OTUD7B: variants seen among roughly 807,000 people sequenced by gnomAD.
OTUD7B encodes OTU deubiquitinase 7B, also known as OTU domain-containing protein 7B.
In OTUD7B, 34 loss-of-function variants were observed where a neutral mutation model predicts 82.2. The ratio of observed to expected loss-of-function variants is 0.41; its 90% confidence interval spans 0.31 to 0.55. The LOEUF (loss-of-function observed/expected upper bound fraction) is 0.55. Ranked by LOEUF, OTUD7B falls within the 20% of genes least tolerant of loss-of-function variation. The pLI, the probability that OTUD7B is intolerant of heterozygous loss-of-function variation, is 0.20. For synonymous variants in OTUD7B, 398 were observed against 402.7 expected (o/e 0.99, Z 0.14); for missense variants, 944 against 1,062.1 (o/e 0.89, Z 1.55).
chr1:150,008,416 A>T (rs1652805865), intron 1 of OTUD7B, among the ~76,000 whole-genome samples: 1 of 152,210 alleles, frequency 6.6e-6, no homozygotes, highest in Non-Finnish European at 1.5e-5. Flanking sequence ...CAAAAGAAAG[A>T]TTAAACAAAT....
intron 11 of OTUD7B, among the ~76,000 whole-genome samples, chr1:149,945,289 G>T (rs1553771860): frequency 6.6e-6 from 1 of 152,068 alleles, no homozygotes; most frequent in East Asian, 1.9e-4. Flanking sequence ...ATGAGGGAAG[G>T]GTCACCCAGG....
chr1:150,016,228 A>G, the OTUD7B span, among the ~76,000 whole-genome samples: 1 of 152,156 alleles, frequency 6.6e-6, no homozygotes, highest in Non-Finnish European at 1.5e-5. Context: ...GTAAAATGTC[A>G]TCAACAATAC....
the OTUD7B span, among the ~76,000 whole-genome samples, chr1:150,063,948 A>T: frequency 6.6e-6 from 1 of 152,216 alleles, no homozygotes; most frequent in Non-Finnish European, 1.5e-5. Flanking sequence ...GAGCAGGTCA[A>T]ATCTTCCCAT....
chr1:150,049,052 G>A, the OTUD7B span, among the ~76,000 whole-genome samples: 1 of 152,018 alleles, frequency 6.6e-6, no homozygotes, highest in African/African-American at 2.4e-5. Context: ...TGGCCAGGCT[G>A]GTCTCGAACT....
intron 1 of OTUD7B, among the ~76,000 whole-genome samples, chr1:150,007,458 T>C (rs1652741189): frequency 6.6e-6 from 1 of 152,346 alleles, no homozygotes; most frequent in East Asian, 1.9e-4. Flanking sequence ...TACATACTTA[T>C]CAGCACGTTA....
In OTUD7B at chr1:149,941,471, T is replaced by G. The variant is rs1395867524; in HGVS notation, c.*2386A>C. 1.3e-5 allele frequency: 2 copies of G among 152,242 alleles called. No homozygotes were observed. The highest frequency in any genetic ancestry group is 2.9e-5 in the Non-Finnish European group (2 of 68,042). The allele number at this position is 152,242 out of a possible 1,614,324, so 9.4% of individuals were successfully genotyped here. A position where few individuals can be genotyped will look rare whatever the true frequency, so the allele number is the denominator to read the frequency against. ...CACACAGTGGTGTTCTCGCTAGTGT[T>G]CAAATCACAGAAACAGGGACGTAAC... is the stretch of plus-strand genomic sequence containing the variant. On this transcript the variant is annotated 3_prime_UTR_variant, in exon 12 of 12. Coordinates refer to ENST00000581312, the MANE Select transcript of OTUD7B (RefSeq NM_020205.4).
the OTUD7B span, chr1:150,053,917 C>G: frequency 2.2e-6 from 1 of 454,952 alleles, no homozygotes; most frequent in South Asian, 6.2e-5. Context: ...AACCTGAAGT[C>G]AAGAAGGCTG....
At chr1:150,065,849 G>GTTTTTTTTTT in the OTUD7B span, among the ~76,000 whole-genome samples, 1 of 151,636 alleles carries the variant, frequency 6.6e-6, no homozygotes, top group African/African-American at 2.4e-5. Flanking sequence ...TGTTCAAAAT[G>GTTTTTTTTTT]TTTATGTTCC....
chr1:149,969,181 G>C (rs891976330), intron 3 of OTUD7B, among the ~76,000 whole-genome samples: 1 of 152,108 alleles, frequency 6.6e-6, no homozygotes, highest in Non-Finnish European at 1.5e-5. Flanking sequence ...AATTTAGCTA[G>C]GTGAGGTGGT....
At chr1:150,055,781 G>A in the OTUD7B span, among the ~76,000 whole-genome samples, 2 of 152,318 alleles carry the variant, frequency 1.3e-5, no homozygotes, top group South Asian at 2.1e-4. Flanking sequence ...ACTAATGCAG[G>A]AACAGAAAGC....
chr1:150,009,828 C>T (rs1015060266), intron 1 of OTUD7B, among the ~76,000 whole-genome samples: 2 of 152,114 alleles, frequency 1.3e-5, no homozygotes, highest in African/African-American at 2.4e-5. Flanking sequence ...ACGCAGCCCC[C>T]GGCTTACTCA....
chr1:149,944,553 A>G lies in OTUD7B; in HGVS notation c.1836T>C (p.Val612=), dbSNP rs1019843395. ...GACGGTGACCCATCTTCAGGGTTCCAACAAAAATAAACTTCCCCTCCCCTT... is the reference window on the plus strand; with the variant it reads ...GACGGTGACCCATCTTCAGGGTTCCGACAAAAATAAACTTCCCCTCCCCTT... ...AMQGEGKFIF[V]GTLKMGHRHQ... The change falls in exon 12 of 12, where the codon GTT becomes GTC. Residue 612 remains valine, a synonymous_variant. Transcript: ENST00000581312. 32 of 1,614,056 alleles carry G rather than the reference A, an allele frequency of 2.0e-5. No individual in the cohort carries two copies. The highest frequency in any genetic ancestry group is 2.7e-5 in the Non-Finnish European group (32 of 1,179,998).
At chr1:149,950,847 A>G (rs1350484437) in intron 7 of OTUD7B, among the ~76,000 whole-genome samples, 1 of 137,318 alleles carries the variant, frequency 7.3e-6, no homozygotes, top group African/African-American at 2.7e-5. Context: ...AGGCTGGAGC[A>G]GTGGCGCGAT....
intron 7 of OTUD7B, among the ~76,000 whole-genome samples, chr1:149,951,787 A>G (rs1331379436): frequency 1.3e-5 from 2 of 152,206 alleles, no homozygotes; most frequent in African/African-American, 2.4e-5. Flanking sequence ...TTTAACCATT[A>G]TGGAAAATTT....
rs1553770236 is a variant in OTUD7B, at chr1:149,940,686, A to C, written c.*3171T>G. 1 of 151,968 alleles carries C rather than the reference A, an allele frequency of 6.6e-6. No homozygotes were observed. Among genetic ancestry groups the C allele is most frequent in the East Asian group, 1.9e-4 (1 of 5,172 alleles). 9.4% of individuals were successfully genotyped at this position (151,968 alleles called of 1,614,324 possible). ...AAGGGTCTACCTTCCCCCTTCACTC[A>C]CACACCCCTCCTTAACTAAGGAATT... On this transcript the variant is annotated 3_prime_UTR_variant, in exon 12 of 12. Coordinates refer to ENST00000581312, the MANE Select transcript of OTUD7B (RefSeq NM_020205.4).
chr1:150,007,002 T>C (rs896656666), intron 1 of OTUD7B, among the ~76,000 whole-genome samples: 11 of 152,150 alleles, frequency 7.2e-5, no homozygotes, highest in African/African-American at 2.7e-4. Flanking sequence ...TTGACCCTTC[T>C]ATCAACACCC....
intron 4 of OTUD7B, 84 bp from the exon 5 acceptor site, chr1:149,965,962 G>T (rs868937897): frequency 2.7e-6 from 3 of 1,104,376 alleles, no homozygotes; most frequent in Middle Eastern, 4.2e-4. Context: ...CTCCAAAGCA[G>T]CCTCCTCTAG....
chr1:149,984,615 T>C (rs1303505976), intron 1 of OTUD7B, among the ~76,000 whole-genome samples: 10 of 152,270 alleles, frequency 6.6e-5, no homozygotes, highest in African/African-American at 2.2e-4. Context: ...TGTTCATGAC[T>C]CCAAATGTAT....
intron 11 of OTUD7B, among the ~76,000 whole-genome samples, chr1:149,945,861 G>C (rs1647676571): frequency 6.6e-6 from 1 of 150,846 alleles, no homozygotes. Flanking sequence ...GGGAGTTCCA[G>C]ACCAGCCTGA....
Sources: allele counts gnomAD v4.1 joint callset (sites outside exome capture counted in the v4.1 genomes callset), GRCh38; gene constraint gnomAD v4.1.1; transcripts MANE v1.5; gene names NCBI Gene and HGNC (gene_info 2026-07-23, HGNC 2026-07-21).